Variants in SUMF1 observed in about 807,000 individuals in gnomAD.
SUMF1 encodes formylglycine-generating enzyme.
Under a neutral mutation model 47.6 loss-of-function variants are expected in SUMF1, and 48 were observed. The ratio of observed to expected loss-of-function variants is 1.01; its 90% CI spans 0.80 to 1.28. SUMF1 has a LOEUF of 1.28. SUMF1 is among the 50% of genes most tolerant of loss of function. The pLI is 0.00. For missense variants in SUMF1, 571 were observed against 485.4 expected (o/e 1.18, Z -1.66); for synonymous variants, 230 against 192.1 (o/e 1.20, Z -1.63).
intron 8 of SUMF1, among the ~76,000 whole-genome samples, chr3:4,276,085 T>G (rs1275904221): frequency 3.3e-5 from 5 of 152,170 alleles, no homozygotes; most frequent in Non-Finnish European, 7.3e-5. Context: ...CACAAGACAT[T>G]AATTTTTCTC....
At chr3:4,042,889 T>G (rs934128077) in intron 9 of SUMF1, among the ~76,000 whole-genome samples, 3 of 152,236 alleles carry the variant, frequency 2.0e-5, no homozygotes, top group Non-Finnish European at 4.4e-5. Context: ...GCAAGTCCAG[T>G]GCCCTTGCAT....
intron 9 of SUMF1, among the ~76,000 whole-genome samples, chr3:4,038,183 G>A (rs1694835803): frequency 6.6e-6 from 1 of 152,180 alleles, no homozygotes; most frequent in South Asian, 2.1e-4. Flanking sequence ...CTTATCAATA[G>A]ATGTGGCTGA....
rs9883724 is a variant in SUMF1, at chr3:4,444,921, G to C, written c.519+4345C>G. Among the ~76,000 whole-genome samples, 1,089 of 152,276 alleles carry C rather than the reference G, an allele frequency of 7.2e-3. 17 individuals are homozygous for C. Among genetic ancestry groups the C allele is most frequent in the African/African-American group, 0.025 (1,031 of 41,560 alleles). On this transcript the variant is annotated intron_variant, in intron 3 of 8. Transcript: ENST00000272902. The stretch of plus-strand genomic sequence containing the variant: ...CTTTAAGGATGAGGGGTAGGGGAGG[G>C]AGCAGATCTTGGCCTCACAAAAAGC...
chr3:4,451,240 T>G (rs1467034742), intron 2 of SUMF1, among the ~76,000 whole-genome samples: 1 of 151,894 alleles, frequency 6.6e-6, no homozygotes, highest in East Asian at 1.9e-4. Flanking sequence ...TATTTCAAAG[T>G]GGGGATGAAT....
intron 8 of SUMF1, chr3:4,303,292 G>T: frequency 2.1e-6 from 3 of 1,398,642 alleles, no homozygotes; most frequent in Non-Finnish European, 2.8e-6. Flanking sequence ...GAGGCGGTGG[G>T]GCCACGGGAC....
chr3:4,464,397 T>A (rs1169375667), intron 1 of SUMF1, among the ~76,000 whole-genome samples: 1 of 149,876 alleles, frequency 6.7e-6, no homozygotes, highest in Non-Finnish European at 1.5e-5. Context: ...TACTTATGTG[T>A]GTGTCTGTGT....
At chr3:4,313,205 C>G in intron 8 of SUMF1, 1 of 1,613,932 alleles carries the variant, frequency 6.2e-7, no homozygotes, top group Non-Finnish European at 8.5e-7. Flanking sequence ...GGACTTCGTA[C>G]CTTGGAATTT....
At chr3:4,142,447 C>G (rs912513985) in intron 8 of SUMF1, among the ~76,000 whole-genome samples, 9 of 151,996 alleles carry the variant, frequency 5.9e-5, no homozygotes, top group African/African-American at 1.7e-4. Context: ...TTCTGTATCC[C>G]CAGTCTAATA....
At chr3:4,294,791 A>G (rs1697813227) in intron 8 of SUMF1, among the ~76,000 whole-genome samples, 1 of 152,132 alleles carries the variant, frequency 6.6e-6, no homozygotes, top group South Asian at 2.1e-4. Flanking sequence ...TGGAAACAGC[A>G]ATGTTTATCG....
chr3:4,385,373 T>G (rs1310169095), intron 7 of SUMF1, among the ~76,000 whole-genome samples: 1 of 152,214 alleles, frequency 6.6e-6, no homozygotes, highest in Non-Finnish European at 1.5e-5. Flanking sequence ...ATTTCTCCAG[T>G]GCTAATGACG....
At chr3:4,170,605 G>C (rs1694811815) in intron 8 of SUMF1, among the ~76,000 whole-genome samples, 1 of 152,160 alleles carries the variant, frequency 6.6e-6, no homozygotes, top group African/African-American at 2.4e-5. Flanking sequence ...CAGTAATCAA[G>C]ACAGTGTAGT....
chr3:4,076,688 A>G (rs1490779518), intron 8 of SUMF1, among the ~76,000 whole-genome samples: 1 of 152,194 alleles, frequency 6.6e-6, no homozygotes, highest in Non-Finnish European at 1.5e-5. Flanking sequence ...GGTGAAGGAT[A>G]TGAACAGATA....
At chr3:4,453,197 C>A (rs550636480) in intron 1 of SUMF1, 148 bp from the exon 2 acceptor site, 25 of 783,412 alleles carry the variant, frequency 3.2e-5, no homozygotes, top group African/African-American at 2.6e-4. Flanking sequence ...TCTCTCTATA[C>A]CCCAAAGAAG....
At chr3:4,412,259 T>A (rs1274645208) in intron 6 of SUMF1, among the ~76,000 whole-genome samples, 2 of 152,150 alleles carry the variant, frequency 1.3e-5, no homozygotes, top group Non-Finnish European at 2.9e-5. Context: ...AAAAAGAATA[T>A]ACCCAAAACT....
intron 8 of SUMF1, among the ~76,000 whole-genome samples, chr3:4,321,673 T>C (rs886973651): frequency 5.3e-5 from 8 of 152,024 alleles, no homozygotes; most frequent in Non-Finnish European, 1.0e-4. Flanking sequence ...ATTGAATCAA[T>C]AAATAAATGG....
intron 8 of SUMF1, among the ~76,000 whole-genome samples, chr3:4,071,700 T>C (rs1695530629): frequency 1.3e-5 from 2 of 152,172 alleles, no homozygotes; most frequent in Non-Finnish European, 2.9e-5. Flanking sequence ...AAGCTCAAAC[T>C]GGGTGGAGCC....
chr3:4,233,833 C>A (rs1250355918), intron 8 of SUMF1, among the ~76,000 whole-genome samples: 1 of 152,118 alleles, frequency 6.6e-6, no homozygotes, highest in African/African-American at 2.4e-5. Context: ...GAGTACTGCT[C>A]TTCCCTTCCT....
intron 8 of SUMF1, among the ~76,000 whole-genome samples, chr3:4,179,762 C>G (rs191443139): frequency 4.3e-4 from 66 of 152,190 alleles, no homozygotes; most frequent in South Asian, 1.0e-3. Context: ...TGGCAACCTA[C>G]AGAATGGGAG....
intron 8 of SUMF1, among the ~76,000 whole-genome samples, chr3:4,076,524 C>A (rs1004297276): frequency 6.6e-6 from 1 of 152,054 alleles, no homozygotes; most frequent in Non-Finnish European, 1.5e-5. Flanking sequence ...AGCTTCTGCA[C>A]AGCAAATGAA....
Sources: allele counts gnomAD v4.1 joint callset (sites outside exome capture counted in the v4.1 genomes callset), GRCh38; gene constraint gnomAD v4.1.1; transcripts MANE v1.5; gene names NCBI Gene and HGNC (gene_info 2026-07-23, HGNC 2026-07-21).